PCDH9: variants seen among roughly 807,000 people sequenced by gnomAD.
PCDH9 encodes protocadherin-9.
Under a neutral mutation model 70.6 loss-of-function variants are expected in PCDH9, and 24 were observed. The observed-to-expected ratio is 0.34, with a 90% confidence interval of 0.25 to 0.48. PCDH9 has a LOEUF of 0.48. Among genes scored for constraint, PCDH9 ranks in the 20% least tolerant of loss-of-function variants. The probability of loss-of-function intolerance (pLI) is 0.99; values close to 1 mark genes in which losing one functional copy is unlikely to be tolerated. For missense variants in PCDH9, 1,281 were observed against 1,503.6 expected (o/e 0.85, Z 2.45); for synonymous variants, 562 against 558.5 (o/e 1.01, Z -0.09).
intron 3 of PCDH9, among the ~76,000 whole-genome samples, chr13:66,681,186 A>G (rs1444363301): frequency 1.3e-5 from 2 of 152,118 alleles, no homozygotes; most frequent in Non-Finnish European, 1.5e-5. Context: ...CTATTTGTGT[A>G]TTTGATGAAA....
At chr13:66,964,954 G>C (rs2083407744) in intron 2 of PCDH9, among the ~76,000 whole-genome samples, 1 of 151,682 alleles carries the variant, frequency 6.6e-6, no homozygotes, top group South Asian at 2.1e-4. Context: ...TCATTTACTA[G>C]AGATAATGCA....
chr13:66,614,859 G>T (rs2077336925), intron 4 of PCDH9, among the ~76,000 whole-genome samples: 1 of 152,110 alleles, frequency 6.6e-6, no homozygotes, highest in African/African-American at 2.4e-5. Context: ...CCACCCTACT[G>T]GCTGTGTCTG....
intron 4 of PCDH9, among the ~76,000 whole-genome samples, chr13:66,608,845 C>A (rs979446946): frequency 1.3e-5 from 2 of 152,118 alleles, no homozygotes; most frequent in African/African-American, 4.8e-5. Flanking sequence ...AAATTAGCAT[C>A]TTGAATTGTA....
intron 3 of PCDH9, among the ~76,000 whole-genome samples, chr13:66,638,124 C>T (rs967500488): frequency 5.9e-5 from 9 of 152,108 alleles, no homozygotes; most frequent in African/African-American, 2.2e-4. Context: ...CTAGACACTA[C>T]TCGAGCTGCT....
At chr13:66,785,369 C>T (rs2080062973) in intron 3 of PCDH9, among the ~76,000 whole-genome samples, 1 of 151,530 alleles carries the variant, frequency 6.6e-6, no homozygotes, top group Non-Finnish European at 1.5e-5. Flanking sequence ...TTGATCTGTT[C>T]GAAGAGTGTA....
chr13:67,067,351 A>G lies in PCDH9; in HGVS notation c.3036+158054T>C, dbSNP rs1005660671. ...AAATTCTAATAATATATTTTACCCC[A>G]TGTATCAAAAATTGTATCATTTTGA... is the stretch of plus-strand genomic sequence containing the variant. On this transcript the variant is annotated intron_variant, in intron 2 of 4. Transcript: ENST00000377865. 3.3e-5 allele frequency among the ~76,000 whole-genome samples: 5 copies of G among 152,230 alleles called. No individual in the cohort carries two copies. The East Asian group carries it at 7.7e-4, about 24-fold the overall frequency.
intron 4 of PCDH9, among the ~76,000 whole-genome samples, chr13:66,568,156 A>G (rs2076679204): frequency 6.6e-6 from 1 of 152,116 alleles, no homozygotes; most frequent in Admixed American, 6.5e-5. Context: ...GGTTCTCCTA[A>G]TCATAAGAAG....
chr13:66,496,082 T>C (rs1959112379), intron 4 of PCDH9, among the ~76,000 whole-genome samples: 1 of 152,216 alleles, frequency 6.6e-6, no homozygotes, highest in Non-Finnish European at 1.5e-5. Flanking sequence ...CTGTTAACAC[T>C]CAACTATCTA....
intron 2 of PCDH9, among the ~76,000 whole-genome samples, chr13:67,108,899 A>C (rs1594523059): frequency 6.6e-6 from 1 of 152,274 alleles, no homozygotes; most frequent in Admixed American, 6.5e-5. Context: ...AAAAACTATT[A>C]ATTAGGCCAC....
Position 67,079,402 on chromosome 13 carries a change from G to T in PCDH9, c.3036+146003C>A, listed in dbSNP as rs151251687. Among the ~76,000 whole-genome samples, 793 of 151,866 alleles carry T rather than the reference G, an allele frequency of 5.2e-3. 4 individuals are homozygous for T. Among genetic ancestry groups the T allele is most frequent in the Non-Finnish European group, 9.2e-3 (628 of 67,926 alleles). ...AGGACTATGACCTTCTTTTTCTCTT[G>T]CCCAAATTCCTATCTAAGGGACCTG... is the stretch of plus-strand genomic sequence containing the variant. On this transcript the variant is annotated intron_variant, in intron 2 of 4. Coordinates refer to ENST00000377865, the MANE Select transcript of PCDH9 (RefSeq NM_203487.3).
At chr13:66,770,436 A>T (rs1365876235) in intron 3 of PCDH9, among the ~76,000 whole-genome samples, 3 of 152,196 alleles carry the variant, frequency 2.0e-5, no homozygotes, top group Admixed American at 6.5e-5. Flanking sequence ...GTCTTAGATG[A>T]AGCCACCCTT....
At chr13:66,892,310 T>C (rs2082110183) in intron 3 of PCDH9, among the ~76,000 whole-genome samples, 1 of 150,774 alleles carries the variant, frequency 6.6e-6, no homozygotes, top group Non-Finnish European at 1.5e-5. Context: ...TTATCAAGTA[T>C]ACTTTAAACC....
chr13:66,401,276 T>A (rs1287629639), intron 4 of PCDH9, among the ~76,000 whole-genome samples: 1 of 152,092 alleles, frequency 6.6e-6, no homozygotes, highest in Non-Finnish European at 1.5e-5. Context: ...GGTGATTAGA[T>A]CATGGGGGCG....
At chr13:66,738,395 A>C (rs928037473) in intron 3 of PCDH9, among the ~76,000 whole-genome samples, 1 of 151,988 alleles carries the variant, frequency 6.6e-6, no homozygotes. Flanking sequence ...ATGGGGAAAA[A>C]ACAGGACAGA....
intron 2 of PCDH9, among the ~76,000 whole-genome samples, chr13:67,060,569 C>T (rs1170396164): frequency 6.6e-6 from 1 of 151,902 alleles, no homozygotes; most frequent in African/African-American, 2.4e-5. Context: ...TTTTATTAAT[C>T]CCCTCATTTC....
intron 2 of PCDH9, among the ~76,000 whole-genome samples, chr13:66,907,682 AG>A (rs2082386755): frequency 6.6e-6 from 1 of 152,324 alleles, no homozygotes; most frequent in African/African-American, 2.4e-5. Context: ...GAACAACAAA[AG>A]TTTTATGGAA....
At chr13:66,873,855 T>A (rs1160500393) in intron 3 of PCDH9, among the ~76,000 whole-genome samples, 1 of 152,080 alleles carries the variant, frequency 6.6e-6, no homozygotes, top group African/African-American at 2.4e-5. Flanking sequence ...ACTTTATATA[T>A]GATCTGGCCA....
Position 67,225,483 on chromosome 13 carries a change from A to C in PCDH9, c.2958T>G (p.Thr986=), listed in dbSNP as rs562987499. 2.2e-5 allele frequency: 35 copies of C among 1,614,006 alleles called. No homozygotes were observed. In the South Asian group the frequency reaches 3.8e-4, roughly 18 times the overall value. ...CTGAGGCACTGAAGTGATCTGAACT[A>C]GTGGAAGAGCGTTTAGAAAGGGTGT... is the stretch of plus-strand genomic sequence containing the variant. ...GCDTLSKRSS[T]SSDHFSASEC... The change falls in exon 2 of 5, where the codon ACT becomes ACG. Residue 986 remains threonine (T), a synonymous_variant. Coordinates refer to ENST00000377865, the MANE Select transcript of PCDH9 (RefSeq NM_203487.3).
chr13:66,897,397 A>G (rs1363437090), intron 3 of PCDH9, among the ~76,000 whole-genome samples: 4 of 152,134 alleles, frequency 2.6e-5, no homozygotes, highest in African/African-American at 9.7e-5. Flanking sequence ...TGAGCAAAAA[A>G]CAGAGGAAGG....
Sources: gnomAD v4.1 joint callset for allele counts (sites outside exome capture counted in the v4.1 genomes callset) on GRCh38, gnomAD v4.1.1 for gene constraint, MANE v1.5 for transcripts, NCBI Gene and HGNC (gene_info 2026-07-23, HGNC 2026-07-21) for gene names.